The following USP34 variants were observed in gnomAD, a reference collection of about 807,000 sequenced individuals.
USP34 encodes ubiquitin carboxyl-terminal hydrolase 34.
USP34 carries 70 observed loss-of-function variants against 460.3 expected under a neutral mutation model. The ratio of observed to expected loss-of-function variants is 0.15; its 90% confidence interval spans 0.13 to 0.19. The LOEUF is 0.19. USP34 is among the 10% of genes least tolerant of loss of function. USP34 has a pLI of 1.00. For synonymous variants in USP34, 1,647 were observed against 1,405.3 expected, an observed-to-expected ratio of 1.17 and a Z score of -3.85; for missense variants, 3,985 against 4,236.2, an observed-to-expected ratio of 0.94 and a Z score of 1.65.
rs1241567529 is a variant in USP34, at chr2:61,265,382, T to G, written c.5778+15A>C. 2 of 1,591,664 alleles carry G rather than the reference T, an allele frequency of 1.3e-6. No homozygotes were observed. Among genetic ancestry groups the G allele is most frequent in the Non-Finnish European group, 1.7e-6 (2 of 1,173,320 alleles). On this transcript the variant is annotated intron_variant, in intron 43 of 79. Coordinates refer to ENST00000398571, the MANE Select transcript of USP34 (RefSeq NM_014709.4). ...TGGTTTATAATTTTGATTTTTAAAGTGAGGAAAATTCTACCTTGGCAGTGA... is the reference window on the plus strand; with the variant it reads ...TGGTTTATAATTTTGATTTTTAAAGGGAGGAAAATTCTACCTTGGCAGTGA...
intron 1 of USP34, among the ~76,000 whole-genome samples, chr2:61,427,249 C>G (rs528123080): frequency 4.1e-4 from 63 of 152,274 alleles, no homozygotes; most frequent in African/African-American, 1.4e-3. Flanking sequence ...AGGATAGTCT[C>G]GATCTCCTGA....
chr2:61,293,603 T>C (rs1177595090), intron 32 of USP34, 53 bp from the exon 33 acceptor site: 8 of 1,360,866 alleles, frequency 5.9e-6, no homozygotes, highest in Non-Finnish European at 8.3e-6. Context: ...TATAATGCAA[T>C]AATGCTTGTT....
intron 2 of USP34, among the ~76,000 whole-genome samples, chr2:61,415,617 C>T (rs927647112): frequency 2.0e-5 from 3 of 152,106 alleles, no homozygotes; most frequent in African/African-American, 7.2e-5. Context: ...AATATCAAAA[C>T]CAACATCTCA....
chr2:61,258,560 T>C (rs1688782458), intron 44 of USP34, among the ~76,000 whole-genome samples: 1 of 151,748 alleles, frequency 6.6e-6, no homozygotes. Flanking sequence ...TAGGAAACAA[T>C]GGCATAAATA....
At chr2:61,374,478 T>C (rs929652694) in intron 8 of USP34, among the ~76,000 whole-genome samples, 1 of 152,224 alleles carries the variant, frequency 6.6e-6, no homozygotes, top group African/African-American at 2.4e-5. Flanking sequence ...CACATAGCAG[T>C]GAAAGATTAG....
chr2:61,347,043 G>C (rs1180765583), intron 15 of USP34, among the ~76,000 whole-genome samples: 2 of 149,532 alleles, frequency 1.3e-5, no homozygotes, highest in African/African-American at 4.9e-5. Flanking sequence ...AGGAGGCTGA[G>C]GCACAAGAAT....
intron 1 of USP34, among the ~76,000 whole-genome samples, chr2:61,451,866 A>G (rs988588274): frequency 3.3e-5 from 5 of 152,096 alleles, no homozygotes; most frequent in South Asian, 2.1e-4. Flanking sequence ...TAACAAATCC[A>G]TAAAAGCTAG....
At chr2:61,204,788 C>A (rs148571367) in intron 72 of USP34, among the ~76,000 whole-genome samples, 187 bp from the exon 73 acceptor site, 104 of 152,254 alleles carry the variant, frequency 6.8e-4, no homozygotes, top group African/African-American at 2.2e-3. Flanking sequence ...TTATTAACGA[C>A]AATAGGGCAT....
chr2:61,335,252 G>A (rs1355030341), intron 18 of USP34, among the ~76,000 whole-genome samples: 1 of 152,154 alleles, frequency 6.6e-6, no homozygotes, highest in Non-Finnish European at 1.5e-5. Context: ...TAATGACTAT[G>A]AGATGTTATA....
At chr2:61,255,795 C>G (rs1179298001) in intron 48 of USP34, among the ~76,000 whole-genome samples, 1 of 152,210 alleles carries the variant, frequency 6.6e-6, no homozygotes, top group Non-Finnish European at 1.5e-5. Flanking sequence ...ACACTACCCA[C>G]TTATTGGTCA....
At chr2:61,262,585 G>A (rs936443813) in intron 43 of USP34, among the ~76,000 whole-genome samples, 4 of 152,098 alleles carry the variant, frequency 2.6e-5, no homozygotes, top group African/African-American at 4.8e-5. Context: ...CTAGTCCACT[G>A]TTGATGGGCA....
chr2:61,422,011 A>G (rs755407707), intron 1 of USP34, among the ~76,000 whole-genome samples: 56 of 152,222 alleles, frequency 3.7e-4, no homozygotes, highest in Non-Finnish European at 5.7e-4. Context: ...AATACATGTA[A>G]AACAGTCACA....
chr2:61,209,898 T>G (rs968734495), intron 69 of USP34, among the ~76,000 whole-genome samples: 19 of 152,216 alleles, frequency 1.2e-4, no homozygotes, highest in African/African-American at 4.6e-4. Flanking sequence ...AGGCCTAGCC[T>G]AATTGTGTGT....
chr2:61,329,091 G>A (rs999511568), intron 20 of USP34, among the ~76,000 whole-genome samples: 7 of 152,116 alleles, frequency 4.6e-5, no homozygotes, highest in East Asian at 3.8e-4. Flanking sequence ...GTGCGAGCTC[G>A]GCTCACTGCA....
intron 2 of USP34, among the ~76,000 whole-genome samples, chr2:61,412,070 T>TC (rs1326137305): frequency 6.6e-6 from 1 of 150,688 alleles, no homozygotes; most frequent in Non-Finnish European, 1.5e-5. Flanking sequence ...ATGCCTATAA[T>TC]CCCAGATACT....
chr2:61,402,724 T>C (rs1693758744), intron 3 of USP34, among the ~76,000 whole-genome samples: 1 of 152,142 alleles, frequency 6.6e-6, no homozygotes, highest in Non-Finnish European at 1.5e-5. Flanking sequence ...TAAGAAAGGA[T>C]AGCACAGCAG....
chr2:61,378,075 AG>A (rs1692849026), intron 8 of USP34, among the ~76,000 whole-genome samples: 1 of 152,128 alleles, frequency 6.6e-6, no homozygotes, highest in Non-Finnish European at 1.5e-5. Context: ...CGGGAGGCTG[AG>A]GTGGGAGGAT....
intron 5 of USP34, among the ~76,000 whole-genome samples, chr2:61,385,000 G>T (rs1693092021): frequency 6.6e-6 from 1 of 152,026 alleles, no homozygotes; most frequent in Non-Finnish European, 1.5e-5. Flanking sequence ...AAACTAAAGA[G>T]TTTAGCAAAA....
chr2:61,398,954 G>C (rs573840613), intron 3 of USP34, among the ~76,000 whole-genome samples: 62 of 152,260 alleles, frequency 4.1e-4, no homozygotes, highest in African/African-American at 1.4e-3. Context: ...AAAAAGTCCA[G>C]AATTTAAGAC....
Sources: gnomAD v4.1 joint callset for allele counts (sites outside exome capture counted in the v4.1 genomes callset) on GRCh38, gnomAD v4.1.1 for gene constraint, MANE v1.5 for transcripts, NCBI Gene and HGNC (gene_info 2026-07-23, HGNC 2026-07-21) for gene names.